Variants in PLCL1 observed in about 807,000 individuals in gnomAD.
PLCL1 encodes phospholipase C like 1 (inactive).
PLCL1 carries 41 observed loss-of-function variants against 84.4 expected under a neutral mutation model. That is an observed-to-expected ratio of 0.49 (90% confidence interval 0.38 to 0.63). PLCL1 has a LOEUF of 0.63. Among genes scored for constraint, PLCL1 ranks in the 30% least tolerant of loss-of-function variants. The probability of loss-of-function intolerance (pLI) is 0.00; values close to 1 mark genes in which losing one functional copy is unlikely to be tolerated. For missense variants in PLCL1, 1,206 were observed against 1,367.8 expected (o/e 0.88, Z 1.87); for synonymous variants, 490 against 488.3 (o/e 1.00, Z -0.05).
At chr2:197,931,481 G>T (rs560553476) in intron 1 of PLCL1, among the ~76,000 whole-genome samples, 95 of 152,212 alleles carry the variant, frequency 6.2e-4, no homozygotes, top group African/African-American at 2.2e-3. Flanking sequence ...ATTCATTTCT[G>T]CATGCAAATT....
chr2:197,954,427 G>A (rs116059744), intron 1 of PLCL1, among the ~76,000 whole-genome samples: 4 of 152,030 alleles, frequency 2.6e-5, no homozygotes, highest in African/African-American at 7.2e-5. Flanking sequence ...AGAGCTTCAG[G>A]TTAGTTTCTC....
chr2:198,049,395 T>C (rs1456610161), intron 1 of PLCL1, among the ~76,000 whole-genome samples: 1 of 152,194 alleles, frequency 6.6e-6, no homozygotes, highest in Non-Finnish European at 1.5e-5. Flanking sequence ...TTTATGTCAC[T>C]ATGGAGCTGG....
intron 1 of PLCL1, among the ~76,000 whole-genome samples, chr2:197,899,223 A>G (rs781499578): frequency 2.0e-5 from 3 of 152,168 alleles, no homozygotes; most frequent in Non-Finnish European, 1.5e-5. Context: ...TTTTAGACAC[A>G]TATTTCATAA....
At chr2:197,897,177 CT>C (rs1688162036) in intron 1 of PLCL1, among the ~76,000 whole-genome samples, 8 of 28,788 alleles carry the variant, frequency 2.8e-4, no homozygotes, top group African/African-American at 1.4e-3. Context: ...TCTTCTTCTT[CT>C]TCTTCTTCTT....
At chr2:198,018,167 G>C (rs546852033) in intron 1 of PLCL1, among the ~76,000 whole-genome samples, 1 of 152,144 alleles carries the variant, frequency 6.6e-6, no homozygotes, top group Non-Finnish European at 1.5e-5. Flanking sequence ...AAGCCAAGAG[G>C]GACCCTGCCA....
At position 197,912,649 on chromosome 2, in the gene PLCL1, A is replaced by G. The variant is rs1315158350; in HGVS notation, c.240+107310A>G. Among the ~76,000 whole-genome samples, 48 of 149,982 alleles carry G rather than the reference A, an allele frequency of 3.2e-4. 1 individual carries two copies. Among genetic ancestry groups the G allele is most frequent in the Admixed American group, 1.5e-3 (23 of 15,062 alleles). On this transcript the variant is annotated intron_variant, in intron 1 of 5. Transcript: ENST00000428675. ...ATGAGTTCATGTCCTTTGTAGGGAC[A>G]TGGATGAAATTGGAAATCATCATTC...
At chr2:197,832,627 A>T (rs568316188) in intron 1 of PLCL1, among the ~76,000 whole-genome samples, 1 of 152,336 alleles carries the variant, frequency 6.6e-6, no homozygotes, top group Admixed American at 6.5e-5. Context: ...ATAGAAAAAG[A>T]GGGACTCCTC....
intron 1 of PLCL1, among the ~76,000 whole-genome samples, chr2:197,911,398 TA>T (rs1319687463): frequency 1.3e-5 from 2 of 151,988 alleles, no homozygotes; most frequent in Non-Finnish European, 2.9e-5. Flanking sequence ...GAAAAGAAAA[TA>T]TTTTTTTCTT....
intron 1 of PLCL1, among the ~76,000 whole-genome samples, chr2:197,856,405 T>C (rs1289720340): frequency 6.6e-6 from 1 of 152,194 alleles, no homozygotes; most frequent in African/African-American, 2.4e-5. Flanking sequence ...TGGCTTACTG[T>C]TACTACAATG....
chr2:197,810,993 A>C (rs1690575740), intron 1 of PLCL1, among the ~76,000 whole-genome samples: 1 of 152,214 alleles, frequency 6.6e-6, no homozygotes, highest in Admixed American at 6.5e-5. Context: ...TTTACATTGA[A>C]ATCTAAGGTA....
At position 198,088,877 on chromosome 2, in the gene PLCL1, A is replaced by G; in HGVS notation, c.2735A>G (p.Lys912Arg). 6.2e-7 allele frequency: 1 copy of G among 1,610,040 alleles called. No individual in the cohort carries two copies. Among genetic ancestry groups the G allele is most frequent in the Non-Finnish European group, 8.5e-7 (1 of 1,176,196 alleles). Reference protein sequence around the residue: ...ENMQNAIVSIKELCGLPPIAS... With the variant: ...ENMQNAIVSIRELCGLPPIAS... Reference sequence around the variant, plus strand: ...TCACAGAATGCAATCGTGTCTATTAAGGAACTATGTGGACTCCCTCCAATT... The same window carrying G: ...TCACAGAATGCAATCGTGTCTATTAGGGAACTATGTGGACTCCCTCCAATT... The change falls in exon 3 of 6, where the codon AAG becomes AGG. Residue 912 changes from lysine (K) to arginine (R), a missense_variant. Transcript: ENST00000428675.
intron 1 of PLCL1, among the ~76,000 whole-genome samples, chr2:197,991,023 G>A (rs959039630): frequency 3.9e-5 from 6 of 152,126 alleles, no homozygotes; most frequent in Non-Finnish European, 7.4e-5. Flanking sequence ...GCCATCGGGT[G>A]CCCAGATTAA....
chr2:197,839,144 T>C (rs1344091125), intron 1 of PLCL1, among the ~76,000 whole-genome samples: 1 of 152,202 alleles, frequency 6.6e-6, no homozygotes, highest in Non-Finnish European at 1.5e-5. Flanking sequence ...CTACCCTAAA[T>C]ATTTAAAAAG....
In PLCL1 at chr2:197,804,974, C is replaced by T; in HGVS notation, c.-126C>T. On this transcript the variant is annotated 5_prime_UTR_variant, in exon 1 of 6. Transcript: ENST00000428675. ...GCCGCCGCCGCCGCCGCCACTGCCG[C>T]CGCTGGGCGGTGAAACAAAGTCTGG... The T allele has an allele frequency of 8.3e-7, 1 of 1,208,044 alleles. No individual in the cohort carries two copies. The highest frequency in any genetic ancestry group is 1.1e-6 in the Non-Finnish European group (1 of 903,580). The allele number at this position is 1,208,044 out of a possible 1,614,324, so 74.8% of individuals were successfully genotyped here.
chr2:197,828,431 T>G (rs1690979992), intron 1 of PLCL1, among the ~76,000 whole-genome samples: 3 of 152,236 alleles, frequency 2.0e-5, no homozygotes, highest in East Asian at 1.9e-4. Flanking sequence ...AAGTTTTGAT[T>G]TTTTGCTAAT....
rs576251835 is a variant in PLCL1, at chr2:198,119,846, A to G, written c.3105+15910A>G. The stretch of plus-strand genomic sequence containing the variant: ...ACAGTGCTGAGATTTAGGAGAAAGC[A>G]GAGGATTACAGAAGCTCTGCAAGTT... On this transcript the variant is annotated intron_variant, in intron 5 of 5. Coordinates refer to ENST00000428675, the MANE Select transcript of PLCL1 (RefSeq NM_006226.4). Among the ~76,000 whole-genome samples, 8 of 152,104 alleles carry G rather than the reference A, an allele frequency of 5.3e-5. No individual in the cohort carries two copies. In the South Asian group the frequency reaches 1.7e-3, roughly 32 times the overall value.
At chr2:197,895,887 C>A (rs1267794161) in intron 1 of PLCL1, among the ~76,000 whole-genome samples, 1 of 151,910 alleles carries the variant, frequency 6.6e-6, no homozygotes, top group African/African-American at 2.4e-5. Context: ...CCATACCCTG[C>A]AATTCCTGTT....
At chr2:197,826,711 A>G (rs139737465) in intron 1 of PLCL1, among the ~76,000 whole-genome samples, 24 of 152,312 alleles carry the variant, frequency 1.6e-4, no homozygotes, top group African/African-American at 5.3e-4. Context: ...GACATGCACA[A>G]TACCCAATGT....
At chr2:197,967,902 T>C (rs1397565342) in intron 1 of PLCL1, among the ~76,000 whole-genome samples, 1 of 152,196 alleles carries the variant, frequency 6.6e-6, no homozygotes, top group Non-Finnish European at 1.5e-5. Context: ...GTTATTGTCA[T>C]CTTGGGTGAC....
Sources: gnomAD v4.1 joint callset for allele counts (sites outside exome capture counted in the v4.1 genomes callset) on GRCh38, gnomAD v4.1.1 for gene constraint, MANE v1.5 for transcripts, NCBI Gene and HGNC (gene_info 2026-07-23, HGNC 2026-07-21) for gene names.